The following IFT57 variants were observed in gnomAD, a reference collection of about 807,000 sequenced individuals.
IFT57 encodes the protein intraflagellar transport protein 57 homolog.
In IFT57, 59 loss-of-function variants were observed where a neutral mutation model predicts 56.8. The ratio of observed to expected loss-of-function variants is 1.04; its 90% CI spans 0.84 to 1.29. The LOEUF (loss-of-function observed/expected upper bound fraction) is 1.29. Ranked by LOEUF, IFT57 falls within the 50% of genes most tolerant of loss-of-function variation. The pLI is 0.00. For missense variants in IFT57, 470 were observed against 522.1 expected, an observed-to-expected ratio of 0.90 and a Z score of 0.97; for synonymous variants, 209 against 186.1, an observed-to-expected ratio of 1.12 and a Z score of -1.00.
rs1376210103 is a variant in IFT57, at chr3:108,165,440, G to C, written c.1035C>G (p.Leu345=). 1.2e-6 allele frequency: 2 copies of C among 1,612,474 alleles called. No individual in the cohort carries two copies. The highest frequency in any genetic ancestry group is 1.7e-5 in the Admixed American group (1 of 59,850). Residue 345 remains leucine (L), a synonymous_variant, in exon 9 of 11, where the codon CTC becomes CTG. Transcript: ENST00000264538. ...GAGCATCAGTGTGTACCTCAGAGAG[G>C]AGTCTGGTTCTTTCCGTCACTCCTC... ...GNGGVTERTR[L]LSEVMEELEK...
At chr3:108,200,232 G>C (rs1307455214) in intron 5 of IFT57, among the ~76,000 whole-genome samples, 2 of 152,118 alleles carry the variant, frequency 1.3e-5, no homozygotes, top group African/African-American at 2.4e-5. Flanking sequence ...GAGTGGGGGT[G>C]GGATTGAAAG....
intron 7 of IFT57, 31 bp from the exon 8 acceptor site, chr3:108,167,016 G>T (rs753307691): frequency 2.5e-6 from 4 of 1,584,538 alleles, no homozygotes; most frequent in Admixed American, 1.8e-5. Context: ...GCAGATAGAA[G>T]AACTCACAAA....
chr3:108,168,322 A>C (rs1297955754), intron 6 of IFT57, among the ~76,000 whole-genome samples: 1 of 151,902 alleles, frequency 6.6e-6, no homozygotes, highest in Non-Finnish European at 1.5e-5. Context: ...TTTCTTAATA[A>C]AGGAAGTTTA....
Position 108,219,411 on chromosome 3 carries a change from A to G in IFT57, c.374T>C (p.Phe125Ser). 6.2e-7 allele frequency: 1 copy of G among 1,612,934 alleles called. No homozygotes were observed. The highest frequency in any genetic ancestry group is 8.5e-7 in the Non-Finnish European group (1 of 1,178,996). ...ISNILSELRS[F>S]GRTADFPPSK... The stretch of plus-strand genomic sequence containing the variant: ...AAAAGAAGGGTCGTTTACACTTACA[A>G]ATGACCGAAGCTCGGATAGTATGTT... The change falls in exon 2 of 11, where the codon TTT becomes TCT. Residue 125 changes from phenylalanine to serine, a missense_variant and splice_region_variant. Physicochemically the swap from Phe to Ser is radical, Grantham distance 155. Coordinates refer to ENST00000264538, the MANE Select transcript of IFT57 (RefSeq NM_018010.4).
intron 6 of IFT57, among the ~76,000 whole-genome samples, chr3:108,173,701 A>G (rs912662944): frequency 4.0e-5 from 6 of 151,504 alleles, no homozygotes; most frequent in Non-Finnish European, 8.8e-5. Context: ...TACTGAATGA[A>G]TATCACTTTT....
chr3:108,219,407 T>C lies in IFT57; in HGVS notation c.375+3A>G, dbSNP rs745698106. On this transcript the variant is annotated splice_donor_region_variant and intron_variant, in intron 2 of 10. Coordinates refer to ENST00000264538, the MANE Select transcript of IFT57 (RefSeq NM_018010.4). Reference sequence around the variant, plus strand: ...AGGAAAAAGAAGGGTCGTTTACACTTACAAATGACCGAAGCTCGGATAGTA... The same window carrying C: ...AGGAAAAAGAAGGGTCGTTTACACTCACAAATGACCGAAGCTCGGATAGTA... The C allele has an allele frequency of 5.0e-6, 8 of 1,612,068 alleles. No homozygotes were observed. Among genetic ancestry groups the C allele is most frequent in the Non-Finnish European group, 5.9e-6 (7 of 1,178,178 alleles).
At chr3:108,190,157 G>A (rs1327357902) in intron 6 of IFT57, among the ~76,000 whole-genome samples, 2 of 152,184 alleles carry the variant, frequency 1.3e-5, no homozygotes, top group African/African-American at 2.4e-5. Flanking sequence ...CTAGGTGGAA[G>A]GGACTTGCCT....
At chr3:108,175,755 T>C (rs2080120519) in intron 6 of IFT57, among the ~76,000 whole-genome samples, 1 of 151,738 alleles carries the variant, frequency 6.6e-6, no homozygotes, top group Admixed American at 6.6e-5. Flanking sequence ...TTTACATCTA[T>C]GTATCGGTTT....
At chr3:108,176,817 C>T (rs1319873894) in intron 6 of IFT57, among the ~76,000 whole-genome samples, 4 of 151,806 alleles carry the variant, frequency 2.6e-5, no homozygotes, top group African/African-American at 7.2e-5. Flanking sequence ...AATCACATCC[C>T]TCCAGGGATC....
rs6792328 is a variant in IFT57 at position 108,193,704 on chromosome 3, A to C, written c.655-2061T>G. Among the ~76,000 whole-genome samples the C allele has an allele frequency of 4.1e-4, 63 of 152,320 alleles. 2 individuals carry two copies. Among genetic ancestry groups the C allele is most frequent in the African/African-American group, 1.5e-3 (62 of 41,566 alleles). Reference sequence around the variant, plus strand: ...GCATTCACAAAGCAGATACATGTGAAGTTACATGAGAATGTGTACTATGGC... The same window carrying C: ...GCATTCACAAAGCAGATACATGTGACGTTACATGAGAATGTGTACTATGGC... On this transcript the variant is annotated intron_variant, in intron 5 of 10. Transcript: ENST00000264538.
At chr3:108,173,762 G>T (rs1053878274) in intron 6 of IFT57, among the ~76,000 whole-genome samples, 2 of 131,958 alleles carry the variant, frequency 1.5e-5, no homozygotes, top group African/African-American at 5.6e-5. Context: ...GTAAGTCAGG[G>T]ACTCTGTGTG....
intron 6 of IFT57, among the ~76,000 whole-genome samples, chr3:108,172,962 ATCT>A (rs1411393647): frequency 6.6e-6 from 1 of 151,870 alleles, no homozygotes; most frequent in Non-Finnish European, 1.5e-5. Context: ...TTTTATTAAA[ATCT>A]TCTAGATGGA....
chr3:108,208,063 G>C (rs1231278165), intron 4 of IFT57, among the ~76,000 whole-genome samples: 6 of 142,452 alleles, frequency 4.2e-5, no homozygotes, highest in Non-Finnish European at 7.6e-5. Context: ...AAAAAAAAAA[G>C]CAACTATAGG....
chr3:108,210,436 C>T (rs1227208294), intron 4 of IFT57, among the ~76,000 whole-genome samples: 1 of 149,092 alleles, frequency 6.7e-6, no homozygotes, highest in African/African-American at 2.5e-5. Context: ...CGGGTTCAAG[C>T]AGTTCTCTTG....
chr3:108,167,709 C>T lies in IFT57; in HGVS notation c.849+84G>A. On this transcript the variant is annotated intron_variant, in intron 7 of 10. Transcript: ENST00000264538. The stretch of plus-strand genomic sequence containing the variant: ...AGTTCCTTAAAGGCAAAAATTGTGT[C>T]TTTTTATTCTTTCATGTTCTCTTAT... 3 of 942,010 alleles carry T rather than the reference C, an allele frequency of 3.2e-6. No individual in the cohort carries two copies. In the South Asian group the frequency reaches 7.1e-5, roughly 22 times the overall value. The allele number at this position is 942,010 out of a possible 1,614,324, so 58.4% of individuals were successfully genotyped here.
At position 108,216,253 on chromosome 3, in the gene IFT57, C is replaced by T. The variant is rs150004186; in HGVS notation, c.495-2232G>A. ...TAACATCCAGTATGTATAAGAAATTCAAGCAACTCAATAGCAAAACAACAA... is the reference window on the plus strand; with the variant it reads ...TAACATCCAGTATGTATAAGAAATTTAAGCAACTCAATAGCAAAACAACAA... On this transcript the variant is annotated intron_variant, in intron 3 of 10. Transcript: ENST00000264538. 7.2e-3 allele frequency among the ~76,000 whole-genome samples: 1,099 copies of T among 152,236 alleles called. 5 individuals are homozygous for T. The highest frequency in any genetic ancestry group is 0.012 in the Non-Finnish European group (845 of 68,006).
intron 6 of IFT57, among the ~76,000 whole-genome samples, chr3:108,169,758 C>A (rs1477814880): frequency 6.6e-6 from 1 of 151,962 alleles, no homozygotes; most frequent in Non-Finnish European, 1.5e-5. Context: ...CAATAAAATA[C>A]TGGCAAACCA....
intron 6 of IFT57, among the ~76,000 whole-genome samples, chr3:108,168,829 CT>C (rs2080076376): frequency 1.3e-5 from 2 of 151,988 alleles, no homozygotes; most frequent in Admixed American, 1.3e-4. Context: ...TGAATTCATT[CT>C]TTTTTATGGC....
intron 2 of IFT57, among the ~76,000 whole-genome samples, 190 bp from the exon 3 acceptor site, chr3:108,218,843 G>T (rs915123419): frequency 6.6e-6 from 1 of 152,072 alleles, no homozygotes; most frequent in African/African-American, 2.4e-5. Flanking sequence ...AATACTCAAA[G>T]ACTTTTATTG....
Sources: allele counts gnomAD v4.1 joint callset (sites outside exome capture counted in the v4.1 genomes callset), GRCh38; gene constraint gnomAD v4.1.1; transcripts MANE v1.5; gene names NCBI Gene and HGNC (gene_info 2026-07-23, HGNC 2026-07-21).